PCDHA11: variants seen among roughly 807,000 people sequenced by gnomAD.
PCDHA11 encodes the protein protocadherin alpha 11.
In PCDHA11, 61 loss-of-function variants were observed where a neutral mutation model predicts 70.3. The observed-to-expected ratio is 0.87, with a 90% CI of 0.71 to 1.07. PCDHA11 has a LOEUF of 1.07. Ranked by LOEUF, PCDHA11 falls within the 50% of genes least tolerant of loss-of-function variation. The probability of loss-of-function intolerance (pLI) is 0.00; values close to 1 mark genes in which losing one functional copy is unlikely to be tolerated. For missense variants in PCDHA11, 1,324 were observed against 1,237.5 expected (o/e 1.07, Z -1.05); for synonymous variants, 633 against 555.1 (o/e 1.14, Z -1.97).
At chr5:140,980,585 G>A (rs1181393743) in intron 2 of PCDHA11, among the ~76,000 whole-genome samples, 2 of 151,902 alleles carry the variant, frequency 1.3e-5, no homozygotes, top group African/African-American at 2.4e-5. Flanking sequence ...AGCCAAGATC[G>A]AGCCACTGCA....
intron 2 of PCDHA11, among the ~76,000 whole-genome samples, chr5:140,981,738 A>C: frequency 6.6e-6 from 1 of 152,114 alleles, no homozygotes. Flanking sequence ...TGAGAGATTA[A>C]TATGAGTTAG....
chr5:140,987,589 G>A (rs1554249335), intron 3 of PCDHA11, among the ~76,000 whole-genome samples: 1 of 152,180 alleles, frequency 6.6e-6, no homozygotes, highest in Non-Finnish European at 1.5e-5. Context: ...GGGGAGAATA[G>A]TGGTGTCTAC....
intron 1 of PCDHA11, chr5:140,967,137 T>C: frequency 1.2e-6 from 2 of 1,611,728 alleles, no homozygotes; most frequent in Non-Finnish European, 1.7e-6. Context: ...TTGGAAGTGC[T>C]GGCGCACAAC....
chr5:140,944,191 G>C (rs181232402), intron 1 of PCDHA11, among the ~76,000 whole-genome samples: 1 of 151,980 alleles, frequency 6.6e-6, no homozygotes, highest in East Asian at 1.9e-4. Context: ...GGTTTGTTTT[G>C]TTTTGTTTTG....
At chr5:140,878,923 A>G (rs895670993) in intron 1 of PCDHA11, among the ~76,000 whole-genome samples, 8 of 152,222 alleles carry the variant, frequency 5.3e-5, no homozygotes, top group African/African-American at 1.9e-4. Flanking sequence ...AGCTTCAATC[A>G]ATAATTTTAA....
intron 3 of PCDHA11, among the ~76,000 whole-genome samples, chr5:141,006,729 T>A (rs1554260883): frequency 2.0e-5 from 3 of 151,948 alleles, no homozygotes; most frequent in Non-Finnish European, 4.4e-5. Flanking sequence ...AAATGACAGG[T>A]CTTGATGATG....
chr5:140,920,821 C>T (rs1389717155), intron 1 of PCDHA11, among the ~76,000 whole-genome samples: 11 of 146,336 alleles, frequency 7.5e-5, no homozygotes, highest in South Asian at 2.1e-4. Flanking sequence ...TCCAGCCTGG[C>T]GACGGAGCAA....
intron 1 of PCDHA11, among the ~76,000 whole-genome samples, chr5:140,909,495 G>A (rs532080413): frequency 7.2e-5 from 11 of 152,278 alleles, no homozygotes; most frequent in African/African-American, 2.6e-4. Context: ...AGCTGAACGG[G>A]GATGTGGTGG....
rs190155701 is a variant in PCDHA11, at chr5:140,878,924, A to G, written c.2391+7430A>G. Among the ~76,000 whole-genome samples, 11 of 152,344 alleles carry G rather than the reference A, an allele frequency of 7.2e-5. No homozygotes were observed. The East Asian group carries it at 2.1e-3, about 29-fold the overall frequency. ...GCTCCACCACTCCCAGCTTCAATCA[A>G]TAATTTTAAATAAATATATGGTATT... On this transcript the variant is annotated intron_variant, in intron 1 of 3. Transcript: ENST00000398640.
At chr5:141,003,173 G>A (rs782452600) in intron 3 of PCDHA11, among the ~76,000 whole-genome samples, 6 of 152,174 alleles carry the variant, frequency 3.9e-5, no homozygotes, top group Non-Finnish European at 5.9e-5. Context: ...AGTCCCTGAG[G>A]CTCAACTCCA....
intron 1 of PCDHA11, among the ~76,000 whole-genome samples, chr5:140,874,947 T>C (rs2055188699): frequency 6.6e-6 from 1 of 152,240 alleles, no homozygotes; most frequent in African/African-American, 2.4e-5. Flanking sequence ...AACAGCGGAA[T>C]TGTAAGCTAT....
Position 141,010,446 on chromosome 5 carries a change from C to A in PCDHA11, c.*509C>A. On this transcript the variant is annotated 3_prime_UTR_variant, in exon 4 of 4. Coordinates refer to ENST00000398640, the MANE Select transcript of PCDHA11 (RefSeq NM_018902.5). ...AGGCAAGAAAACAAAGACAAATAAA[C>A]AGCGGAAGTTATCAGTATGGAGGGG... 1 of 944,706 alleles carries A rather than the reference C, an allele frequency of 1.1e-6. No homozygotes were observed. The highest frequency in any genetic ancestry group is 1.7e-5 in the African/African-American group (1 of 60,424). The allele number at this position is 944,706 out of a possible 1,614,324, so 58.5% of individuals were successfully genotyped here.
At chr5:140,877,284 C>T (rs1318334277) in intron 1 of PCDHA11, 3 of 1,613,900 alleles carry the variant, frequency 1.9e-6, no homozygotes, top group Non-Finnish European at 2.5e-6. Context: ...CCGGCTATAA[C>T]GCTTGGCTGT....
chr5:140,881,443 G>T (rs1554172114), intron 1 of PCDHA11: 1 of 818,602 alleles, frequency 1.2e-6, no homozygotes, highest in Non-Finnish European at 1.5e-6. Flanking sequence ...TATAAAAACA[G>T]AATCCAAAAC....
intron 1 of PCDHA11, among the ~76,000 whole-genome samples, chr5:140,923,489 A>G (rs549066009): frequency 2.2e-4 from 34 of 152,300 alleles, no homozygotes; most frequent in African/African-American, 7.5e-4. Context: ...TCTTCACACC[A>G]CTGCACTCCA....
chr5:140,870,618 C>A lies in PCDHA11; in HGVS notation c.1515C>A (p.Ser505Arg). 1 of 1,613,174 alleles carries A rather than the reference C, an allele frequency of 6.2e-7. No individual in the cohort carries two copies. The highest frequency in any genetic ancestry group is 8.5e-7 in the Non-Finnish European group (1 of 1,179,822). Residue 505 changes from serine (S) to arginine (R), a missense_variant, in exon 1 of 4, where the codon AGC becomes AGA. Transcript: ENST00000398640. ...ERRLGDRALS[S>R]YVSVHAESGK... ...GGTTGGGCGACCGCGCGCTGTCGAG[C>A]TACGTGTCGGTGCACGCGGAGAGCG...
chr5:141,006,680 G>A (rs1449792614), intron 3 of PCDHA11, among the ~76,000 whole-genome samples: 5 of 152,036 alleles, frequency 3.3e-5, no homozygotes, highest in African/African-American at 1.2e-4. Flanking sequence ...AGTGAAAATT[G>A]GGAGAAGAGG....
chr5:140,884,346 T>G (rs1487079029), intron 1 of PCDHA11: 1 of 1,613,896 alleles, frequency 6.2e-7, no homozygotes, highest in Non-Finnish European at 8.5e-7. Flanking sequence ...GAAGCGGCGC[T>G]GGTGGATGTC....
chr5:140,986,776 C>G (rs916981139), intron 3 of PCDHA11, among the ~76,000 whole-genome samples: 5 of 152,098 alleles, frequency 3.3e-5, no homozygotes, highest in Non-Finnish European at 7.3e-5. Context: ...AATTAGGTAG[C>G]GGAAGCCACT....
Sources: allele counts gnomAD v4.1 joint callset (sites outside exome capture counted in the v4.1 genomes callset), GRCh38; gene constraint gnomAD v4.1.1; transcripts MANE v1.5; gene names NCBI Gene and HGNC (gene_info 2026-07-23, HGNC 2026-07-21).